The following TSHZ3 variants were observed in gnomAD, a reference collection of about 807,000 sequenced individuals.
The protein encoded by TSHZ3 is teashirt zinc finger homeobox 3, also known as teashirt homolog 3.
Under a neutral mutation model 64.5 loss-of-function variants are expected in TSHZ3, and 10 were observed. The observed-to-expected ratio is 0.16, with a 90% CI of 0.10 to 0.26. The LOEUF is 0.26. Ranked by LOEUF, TSHZ3 falls within the 10% of genes least tolerant of loss-of-function variation. The pLI is 1.00. For synonymous variants in TSHZ3, 608 were observed against 593.1 expected, an observed-to-expected ratio of 1.03 and a Z score of -0.36; for missense variants, 1,242 against 1,421.7, an observed-to-expected ratio of 0.87 and a Z score of 2.03.
chr19:31,247,337 A>G (rs933034977), intron 1 of TSHZ3, among the ~76,000 whole-genome samples: 9 of 152,322 alleles, frequency 5.9e-5, no homozygotes, highest in Admixed American at 5.2e-4. Context: ...AGCAACTCTA[A>G]TCATGGGACA....
At chr19:31,286,497 A>AG (rs1976466636) in intron 1 of TSHZ3, among the ~76,000 whole-genome samples, 1 of 152,194 alleles carries the variant, frequency 6.6e-6, no homozygotes, top group African/African-American at 2.4e-5. Context: ...AGGTGGAAAA[A>AG]TCATCTCCAT....
intron 4 of TSHZ3, among the ~76,000 whole-genome samples, chr19:31,211,052 G>A (rs1327709138): frequency 2.0e-5 from 3 of 152,146 alleles, no homozygotes; most frequent in Non-Finnish European, 2.9e-5. Flanking sequence ...TTTTTCGATG[G>A]TGGAATTTTA....
At chr19:31,341,536 T>C (rs1043667075) in intron 1 of TSHZ3, among the ~76,000 whole-genome samples, 3 of 151,964 alleles carry the variant, frequency 2.0e-5, no homozygotes, top group Non-Finnish European at 4.4e-5. Context: ...AAAGTAGATA[T>C]CCTGCATGTT....
At chr19:31,323,036 G>A (rs1409072141) in intron 1 of TSHZ3, among the ~76,000 whole-genome samples, 2 of 152,236 alleles carry the variant, frequency 1.3e-5, no homozygotes, top group Non-Finnish European at 2.9e-5. Context: ...GTGTGCATGT[G>A]TGTGAATGTG....
intron 1 of TSHZ3, among the ~76,000 whole-genome samples, chr19:31,314,973 T>C (rs1246818520): frequency 6.6e-6 from 1 of 152,160 alleles, no homozygotes; most frequent in Non-Finnish European, 1.5e-5. Flanking sequence ...ACTCTACAGA[T>C]GCGTGCTGGA....
intron 5 of TSHZ3, among the ~76,000 whole-genome samples, chr19:31,185,415 G>C (rs1974790111): frequency 6.6e-6 from 1 of 152,204 alleles, no homozygotes; most frequent in Non-Finnish European, 1.5e-5. Context: ...AGTGATGTCA[G>C]ACAAACCAGA....
At chr19:31,241,421 T>TA (rs1274274910) in intron 3 of TSHZ3, among the ~76,000 whole-genome samples, 1 of 152,156 alleles carries the variant, frequency 6.6e-6, no homozygotes, top group African/African-American at 2.4e-5. Context: ...TTCACTCTAA[T>TA]AAGGTTGAGA....
intron 1 of TSHZ3, among the ~76,000 whole-genome samples, chr19:31,339,215 G>T (rs1917351301): frequency 1.4e-5 from 2 of 147,392 alleles, no homozygotes; most frequent in South Asian, 4.3e-4. Context: ...CTCTCCCCTT[G>T]ACTAATGGGG....
intron 1 of TSHZ3, among the ~76,000 whole-genome samples, chr19:31,252,034 T>C (rs1975851040): frequency 6.6e-6 from 1 of 152,220 alleles, no homozygotes; most frequent in African/African-American, 2.4e-5. Context: ...CAGGACATAG[T>C]GCTGGGGTGC....
chr19:31,150,135 A>AT (rs145973379), exon 7 of TSHZ3, among the ~76,000 whole-genome samples: 13,654 of 152,074 alleles, frequency 0.09, 774 homozygotes, highest in Non-Finnish European at 0.14. Context: ...GCAAAATGTG[A>AT]TTTTTTTCCC....
chr19:31,293,898 A>G (rs1976618404), intron 1 of TSHZ3, among the ~76,000 whole-genome samples: 1 of 152,208 alleles, frequency 6.6e-6, no homozygotes, highest in South Asian at 2.1e-4. Context: ...ACCAAGGGTC[A>G]CTTCAGGTAG....
chr19:31,256,092 A>G (rs1246070296), intron 1 of TSHZ3, among the ~76,000 whole-genome samples: 2 of 152,116 alleles, frequency 1.3e-5, no homozygotes, highest in African/African-American at 4.8e-5. Flanking sequence ...CTTGGTCCCC[A>G]TGTTCACCCT....
chr19:31,209,367 A>C (rs1318567482), intron 4 of TSHZ3, among the ~76,000 whole-genome samples: 1 of 152,144 alleles, frequency 6.6e-6, no homozygotes, highest in Non-Finnish European at 1.5e-5. Flanking sequence ...GTCCCCTGCT[A>C]GGGAGACAGG....
downstream of TSHZ3, among the ~76,000 whole-genome samples, chr19:31,273,419 T>C (rs1297797465): frequency 6.6e-6 from 1 of 152,168 alleles, no homozygotes; most frequent in African/African-American, 2.4e-5. Flanking sequence ...GCCCAGAAGA[T>C]GATCCTGGGA....
At chr19:31,253,040 TA>T (rs1292931686) in intron 1 of TSHZ3, among the ~76,000 whole-genome samples, 1 of 152,196 alleles carries the variant, frequency 6.6e-6, no homozygotes, top group Non-Finnish European at 1.5e-5. Context: ...TACATTTAGG[TA>T]AAAACAATAT....
Position 31,277,266 on chromosome 19 carries a change from C to A in TSHZ3, c.2527G>T (p.Ala843Ser), listed in dbSNP as rs1976255620. The A allele has an allele frequency of 6.2e-7, 1 of 1,613,968 alleles. No homozygotes were observed. Among genetic ancestry groups the A allele is most frequent in the Non-Finnish European group, 8.5e-7 (1 of 1,179,932 alleles). ...AGCATATCGGATATATCTGACAAGG[C>A]ATTCTCGCGTAGCGGCGAGTTTGAC... is the stretch of plus-strand genomic sequence containing the variant. Reference protein sequence around the residue: ...FMSNSPLRENALSDISDMLKN... With the variant: ...FMSNSPLRENSLSDISDMLKN... Residue 843 changes from alanine (A) to serine (S), a missense_variant, in exon 2 of 2, where the codon GCC (alanine) becomes TCC (serine). Around this residue, in one of 4 missense-constraint regions of TSHZ3, gnomAD observed 550 missense variants for 545.1 expected, o/e 1.01. Transcript: ENST00000240587. This position sits in a 1 kb window ranked among gnomAD's most constrained non-coding sequence, Gnocchi z 4.5.
At chr19:31,236,475 T>G (rs2145180246) in intron 3 of TSHZ3, among the ~76,000 whole-genome samples, 1 of 152,350 alleles carries the variant, frequency 6.6e-6, no homozygotes, top group African/African-American at 2.4e-5. Context: ...TAGTTCATTT[T>G]TAATCAGGTA....
At chr19:31,221,702 T>C (rs1470426701) in intron 4 of TSHZ3, among the ~76,000 whole-genome samples, 2 of 152,214 alleles carry the variant, frequency 1.3e-5, no homozygotes, top group African/African-American at 4.8e-5. Context: ...CACAAAATGG[T>C]GGCCTGTCGC....
chr19:31,158,079 T>C (rs1288856838), intron 5 of TSHZ3, among the ~76,000 whole-genome samples: 3 of 152,214 alleles, frequency 2.0e-5, no homozygotes, highest in Admixed American at 1.3e-4. Context: ...GATATACATA[T>C]AATTTGGAAT....
Sources: gnomAD v4.1 joint callset for allele counts (sites outside exome capture counted in the v4.1 genomes callset) on GRCh38, gnomAD v4.1.1 for gene constraint, gnomAD v4.1.1 regional missense constraint, Gnocchi (gnomAD v3.1) non-coding constraint, MANE v1.5 for transcripts, NCBI Gene and HGNC (gene_info 2026-07-23, HGNC 2026-07-21) for gene names.